Variants in WFIKKN1 observed in about 807,000 individuals in gnomAD.
WFIKKN1 encodes WAP, follistatin/kazal, immunoglobulin, kunitz and netrin domain containing 1.
A neutral mutation model predicts 4.6 loss-of-function variants in WFIKKN1; 6 were observed. That is an observed-to-expected ratio of 1.31 (90% CI 0.72 to 2.59). The LOEUF (loss-of-function observed/expected upper bound fraction) is 2.59. Among genes scored for constraint, WFIKKN1 ranks in the 30% most tolerant of loss-of-function variants. WFIKKN1 has a pLI of 0.00. For synonymous variants in WFIKKN1, 468 were observed against 367.4 expected (o/e 1.27, Z -3.13); for missense variants, 964 against 818.0 (o/e 1.18, Z -2.18).
Position 633,703 on chromosome 16 carries a change from C to T in WFIKKN1, c.1293C>T (p.Cys431=). The T allele has an allele frequency of 1.9e-6, 3 of 1,585,158 alleles. No homozygotes were observed. Among genetic ancestry groups the T allele is most frequent in the Non-Finnish European group, 2.6e-6 (3 of 1,166,218 alleles). The change falls in exon 2 of 2, where the codon TGC becomes TGT. Residue 431 remains cysteine (C), a synonymous_variant. Coordinates refer to ENST00000319070, the MANE Select transcript of WFIKKN1 (RefSeq NM_053284.3). ...RLRSKLALSL[C]RSDFAIVGRL... Reference sequence around the variant, plus strand: ...GGAGCAAGCTGGCGCTGAGCCTGTGCCGCAGCGACTTCGCCATCGTGGGGC... The same window carrying T: ...GGAGCAAGCTGGCGCTGAGCCTGTGTCGCAGCGACTTCGCCATCGTGGGGC...
chr16:632,614 C>T lies in WFIKKN1; in HGVS notation c.204C>T (p.Asn68=), dbSNP rs145668028. 109 of 1,574,536 alleles carry T rather than the reference C, an allele frequency of 6.9e-5. No individual in the cohort carries two copies. The highest frequency in any genetic ancestry group is 2.3e-4 in the Admixed American group (13 of 56,080). The change falls in exon 2 of 2, where the codon AAC becomes AAT. Residue 68 remains asparagine (N), a synonymous_variant. Coordinates refer to ENST00000319070, the MANE Select transcript of WFIKKN1 (RefSeq NM_053284.3). ...DCAAAEKCCI[N]VCGLHSCVAA... Reference sequence around the variant, plus strand: ...CGGCTGCTGAGAAGTGCTGCATCAACGTGTGTGGACTGCACAGCTGCGTGG... The same window carrying T: ...CGGCTGCTGAGAAGTGCTGCATCAATGTGTGTGGACTGCACAGCTGCGTGG...
In WFIKKN1 at chr16:632,746, C is replaced by A; in HGVS notation, c.336C>A (p.Pro112=). The A allele has an allele frequency of 6.2e-7, 1 of 1,609,866 alleles. No individual in the cohort carries two copies. Among genetic ancestry groups the A allele is most frequent in the Non-Finnish European group, 8.5e-7 (1 of 1,178,370 alleles). ...GSDCDIWDGQ[P]VCRCRDRCEK... Reference sequence around the variant, plus strand: ...ACTGCGACATCTGGGACGGGCAGCCCGTGTGCCGCTGCCGCGACCGCTGTG... The same window carrying A: ...ACTGCGACATCTGGGACGGGCAGCCAGTGTGCCGCTGCCGCGACCGCTGTG... The change falls in exon 2 of 2, where the codon CCC becomes CCA. Residue 112 remains proline (P), a synonymous_variant. Transcript: ENST00000319070.
At chr16:632,367 G>A (rs2036960922) in intron 1 of WFIKKN1, 3 of 507,640 alleles carry the variant, frequency 5.9e-6, no homozygotes, top group Non-Finnish European at 1.0e-5. Flanking sequence ...AACGGAACTT[G>A]CTTGTGGGTG....
chr16:633,016 G>T lies in WFIKKN1; in HGVS notation c.606G>T (p.Thr202=), dbSNP rs377651552. 6 of 1,607,938 alleles carry T rather than the reference G, an allele frequency of 3.7e-6. No individual in the cohort carries two copies. The Admixed American group carries it at 8.4e-5, about 22-fold the overall frequency. ...CACAGGCGGTGCAGGTTGGGGGTAC[G>T]GCCAGCCTCCACTGCGACGTCAGCG... The part of the protein sequence containing the change: ...PSPQAVQVGG[T]ASLHCDVSGR... The change falls in exon 2 of 2, where the codon ACG becomes ACT. Residue 202 remains threonine (T), a synonymous_variant. Coordinates refer to ENST00000319070, the MANE Select transcript of WFIKKN1 (RefSeq NM_053284.3).
Position 632,722 on chromosome 16 carries a change from C to T in WFIKKN1, c.312C>T (p.Asp104=), listed in dbSNP as rs754507333. 6 of 1,610,468 alleles carry T rather than the reference C, an allele frequency of 3.7e-6. No individual in the cohort carries two copies. Among genetic ancestry groups the T allele is most frequent in the Non-Finnish European group, 5.1e-6 (6 of 1,178,804 alleles). ...TTGTGTGCCCACAGCAGGGCTCGGA[C>T]TGCGACATCTGGGACGGGCAGCCCG... ...EGFVCPQQGS[D]CDIWDGQPVC... The change falls in exon 2 of 2, where the codon GAC becomes GAT. Residue 104 remains aspartate (D), a synonymous_variant. Transcript: ENST00000319070.
Position 632,631 on chromosome 16 carries a change from G to T in WFIKKN1, c.221G>T (p.Ser74Ile). The T allele has an allele frequency of 1.3e-6, 2 of 1,595,344 alleles. No individual in the cohort carries two copies. The highest frequency in any genetic ancestry group is 1.3e-5 in the African/African-American group (1 of 74,558). ...TGCATCAACGTGTGTGGACTGCACA[G>T]CTGCGTGGCAGCACGCTTCCCCGGC... ...KCCINVCGLH[S>I]CVAARFPGSP... The change falls in exon 2 of 2, where the codon AGC (serine) becomes ATC (isoleucine). Residue 74 changes from serine to isoleucine, a missense_variant. Physicochemically the swap from Ser to Ile is moderately radical, Grantham distance 142. Transcript: ENST00000319070.
chr16:632,584 C>A lies in WFIKKN1; in HGVS notation c.174C>A (p.Asp58Glu). Residue 58 changes from aspartate (D) to glutamate (E), a missense_variant and splice_region_variant, in exon 2 of 2, where the codon GAC (aspartate) becomes GAA (glutamate). Transcript: ENST00000319070. ...TCERECSRDQ[D>E]CAAAEKCCIN... Reference sequence around the variant, plus strand: ...ACCTAAGTGTCCCCCATCCCCAGGACTGTGCGGCTGCTGAGAAGTGCTGCA... The same window carrying A: ...ACCTAAGTGTCCCCCATCCCCAGGAATGTGCGGCTGCTGAGAAGTGCTGCA... 1 of 1,541,772 alleles carries A rather than the reference C, an allele frequency of 6.5e-7. No homozygotes were observed.
Position 632,779 on chromosome 16 carries a change from G to A in WFIKKN1, c.369G>A (p.Glu123=), listed in dbSNP as rs2151086596. ...GCTGCCGCGACCGCTGTGAGAAGGA[G>A]CCCAGCTTCACCTGCGCCTCGGACG... is the stretch of plus-strand genomic sequence containing the variant. ...VCRCRDRCEK[E]PSFTCASDGL... is the part of the protein sequence containing the mutation. Residue 123 remains glutamate, a synonymous_variant, in exon 2 of 2, where the codon GAG becomes GAA. Transcript: ENST00000319070. 6.2e-7 allele frequency: 1 copy of A among 1,605,088 alleles called. No individual in the cohort carries two copies. Among genetic ancestry groups the A allele is most frequent in the Non-Finnish European group, 8.5e-7 (1 of 1,175,836 alleles).
rs776324012 is a variant in WFIKKN1 at position 634,091 on chromosome 16, G to A, written c.*34G>A. The A allele has an allele frequency of 5.3e-6, 8 of 1,506,190 alleles. No homozygotes were observed. In the Admixed American group the frequency reaches 1.1e-4, roughly 20 times the overall value. 93.3% of individuals were successfully genotyped at this position (1,506,190 alleles called of 1,614,324 possible). On this transcript the variant is annotated 3_prime_UTR_variant, in exon 2 of 2. Coordinates refer to ENST00000319070, the MANE Select transcript of WFIKKN1 (RefSeq NM_053284.3). ...GGGGCCTGCGCCACCCCGTCCTGGT[G>A]AATAAACGCACTCCCTGTGCCTCAG... is the stretch of plus-strand genomic sequence containing the variant.
rs2036948323 is a variant in WFIKKN1, at chr16:631,515, A to G, written c.171+91A>G. ...GTGCCACCTTCTGCCTGGGCTCCCCAGACTTCTGGGGGGTCTGGGTCTGGG... is the reference window on the plus strand; with the variant it reads ...GTGCCACCTTCTGCCTGGGCTCCCCGGACTTCTGGGGGGTCTGGGTCTGGG... On this transcript the variant is annotated intron_variant, in intron 1 of 1. Transcript: ENST00000319070. 3 of 1,508,352 alleles carry G rather than the reference A, an allele frequency of 2.0e-6. No individual in the cohort carries two copies. In the East Asian group the frequency reaches 7.5e-5, roughly 38 times the overall value. The allele number at this position is 1,508,352 out of a possible 1,614,324, so 93.4% of individuals were successfully genotyped here. A position where few individuals can be genotyped will look rare whatever the true frequency, so the allele number is the denominator to read the frequency against.
chr16:633,086 C>G lies in WFIKKN1; in HGVS notation c.676C>G (p.Arg226Gly), dbSNP rs769417699. The G allele has an allele frequency of 1.1e-5, 17 of 1,612,042 alleles. No individual in the cohort carries two copies. The highest frequency in any genetic ancestry group is 1.3e-5 in the Non-Finnish European group (15 of 1,179,580). ...GACCTGGGAGAAGCAGAGTCACCAG[C>G]GAGAGAACCTGATCATGCGCCCTGA... ...AVTWEKQSHQRENLIMRPDQM... is the reference protein window; with the variant it reads ...AVTWEKQSHQGENLIMRPDQM... The change falls in exon 2 of 2, where the codon CGA (arginine) becomes GGA (glycine). Residue 226 changes from arginine (R) to glycine (G), a missense_variant. Transcript: ENST00000319070.
Position 631,385 on chromosome 16 carries a change from C to T in WFIKKN1, c.132C>T (p.Asp44=), listed in dbSNP as rs145112727. ...PNQLSPNLWV[D]AQSTCERECS... The stretch of plus-strand genomic sequence containing the variant: ...AGCTCAGCCCCAACCTGTGGGTGGA[C>T]GCCCAGAGCACCTGTGAGCGCGAGT... The change falls in exon 1 of 2, where the codon GAC becomes GAT. Residue 44 remains aspartate (D), a synonymous_variant. Transcript: ENST00000319070. 1,063 of 1,609,324 alleles carry T rather than the reference C, an allele frequency of 6.6e-4. 7 individuals carry two copies. In the African/African-American group the frequency reaches 9.8e-3, roughly 15 times the overall value.
At chr16:632,543 G>A (rs754023957) in intron 1 of WFIKKN1, 39 bp from the exon 2 acceptor site, 1 of 1,463,288 alleles carries the variant, frequency 6.8e-7, no homozygotes, top group South Asian at 1.5e-5. Flanking sequence ...CCGGGGCGGG[G>A]GGCATTGGGG....
rs754851833 is a variant in WFIKKN1, at chr16:633,282, C to G, written c.872C>G (p.Pro291Arg). The stretch of plus-strand genomic sequence containing the variant: ...CGAGAGCCGGCCAGGGACGCAGCCC[C>G]CAGCATCCCAGCCCCGGCCGAGTGC... ...VQREPARDAA[P>R]SIPAPAECLP... is the part of the protein sequence containing the mutation. The change falls in exon 2 of 2, where the codon CCC (proline) becomes CGC (arginine). Residue 291 changes from proline (P) to arginine (R), a missense_variant. Transcript: ENST00000319070. The G allele has an allele frequency of 2.5e-5, 40 of 1,584,004 alleles. No individual in the cohort carries two copies. The highest frequency in any genetic ancestry group is 3.0e-5 in the Non-Finnish European group (35 of 1,169,284).
Position 633,682 on chromosome 16 carries a change from C to T in WFIKKN1, c.1272C>T (p.Ser424=). ...TPPCRACRLR[S]KLALSLCRSD... ...CCTGCCGCGCCTGCCGCCTCCGGAGCAAGCTGGCGCTGAGCCTGTGCCGCA... is the reference window on the plus strand; with the variant it reads ...CCTGCCGCGCCTGCCGCCTCCGGAGTAAGCTGGCGCTGAGCCTGTGCCGCA... Residue 424 remains serine (S), a synonymous_variant, in exon 2 of 2, where the codon AGC becomes AGT. Coordinates refer to ENST00000319070, the MANE Select transcript of WFIKKN1 (RefSeq NM_053284.3). 6.3e-7 allele frequency: 1 copy of T among 1,580,540 alleles called. No individual in the cohort carries two copies. Among genetic ancestry groups the T allele is most frequent in the Non-Finnish European group, 8.6e-7 (1 of 1,164,342 alleles).
In WFIKKN1 at chr16:634,083, G is replaced by C; in HGVS notation, c.*26G>C. The C allele has an allele frequency of 6.6e-7, 1 of 1,516,592 alleles. No homozygotes were observed. Among genetic ancestry groups the C allele is most frequent in the Admixed American group, 2.1e-5 (1 of 48,542 alleles). The allele number at this position is 1,516,592 out of a possible 1,614,324, so 93.9% of individuals were successfully genotyped here. A position where few individuals can be genotyped will look rare whatever the true frequency, so the allele number is the denominator to read the frequency against. On this transcript the variant is annotated 3_prime_UTR_variant, in exon 2 of 2. Transcript: ENST00000319070. ...CCCCCGCAGGGGCCTGCGCCACCCC[G>C]TCCTGGTGAATAAACGCACTCCCTG...
At position 633,482 on chromosome 16, in the gene WFIKKN1, G is replaced by A. The variant is rs747468855; in HGVS notation, c.1072G>A (p.Ala358Thr). ...QQACARGPGD[A>T]CVLPAVQGPC... ...GGCCTGTGCCCGCGGCCCCGGCGAC[G>A]CCTGCGTGCTGCCTGCCGTGCAGGG... The change falls in exon 2 of 2, where the codon GCC becomes ACC. Residue 358 changes from alanine to threonine, a missense_variant. Physicochemically the swap from Ala to Thr is moderately conservative, Grantham distance 58. Transcript: ENST00000319070. 1.3e-5 allele frequency: 20 copies of A among 1,519,424 alleles called. No homozygotes were observed. The highest frequency in any genetic ancestry group is 2.1e-5 in the Admixed American group (1 of 46,966). 94.1% of individuals were successfully genotyped at this position (1,519,424 alleles called of 1,614,324 possible). A position where few individuals can be genotyped will look rare whatever the true frequency, so the allele number is the denominator to read the frequency against.
At chr16:632,165 C>T (rs77310395) in intron 1 of WFIKKN1, 2,123 of 168,282 alleles carry the variant, frequency 0.013, 47 homozygotes, top group African/African-American at 0.053. Flanking sequence ...TCCTCTCCTC[C>T]CACCCTCTCC....
chr16:633,469 C>A lies in WFIKKN1; in HGVS notation c.1059C>A (p.Arg353=). 6.6e-7 allele frequency: 1 copy of A among 1,523,154 alleles called. No homozygotes were observed. The highest frequency in any genetic ancestry group is 1.2e-5 in the South Asian group (1 of 81,670). The allele number at this position is 1,523,154 out of a possible 1,614,324, so 94.4% of individuals were successfully genotyped here. ...TYEACQQACA[R]GPGDACVLPA... The stretch of plus-strand genomic sequence containing the variant: ...AGGCATGCCAGCAGGCCTGTGCCCG[C>A]GGCCCCGGCGACGCCTGCGTGCTGC... The change falls in exon 2 of 2, where the codon CGC becomes CGA. Residue 353 remains arginine, a synonymous_variant. Coordinates refer to ENST00000319070, the MANE Select transcript of WFIKKN1 (RefSeq NM_053284.3).
Sources: allele counts gnomAD v4.1 joint callset, GRCh38; gene constraint gnomAD v4.1.1; transcripts MANE v1.5; gene names NCBI Gene and HGNC (gene_info 2026-07-23, HGNC 2026-07-21).